Variants in AUTS2 observed in about 807,000 individuals in gnomAD.
AUTS2 encodes autism susceptibility gene 2 protein.
In AUTS2, 17 loss-of-function variants were observed where a neutral mutation model predicts 112.4. The ratio of observed to expected loss-of-function variants is 0.15; its 90% CI spans 0.10 to 0.23. AUTS2 has a LOEUF of 0.23. Ranked by LOEUF, AUTS2 falls within the 10% of genes least tolerant of loss-of-function variation. The pLI is 1.00. For synonymous variants in AUTS2, 751 were observed against 702.7 expected (o/e 1.07, Z -1.09); for missense variants, 1,510 against 1,701.6 (o/e 0.89, Z 1.98).
intron 5 of AUTS2, among the ~76,000 whole-genome samples, chr7:70,592,608 C>T (rs1803002698): frequency 6.6e-6 from 1 of 152,074 alleles, no homozygotes; most frequent in Non-Finnish European, 1.5e-5. Context: ...ATGATCCCAC[C>T]CGCCCTGTCC....
chr7:69,912,836 GT>G (rs1341223049), intron 2 of AUTS2, among the ~76,000 whole-genome samples: 1 of 152,126 alleles, frequency 6.6e-6, no homozygotes, highest in East Asian at 1.9e-4. Flanking sequence ...TTTGCTTCCT[GT>G]TTCCTTGTTC....
intron 6 of AUTS2, among the ~76,000 whole-genome samples, chr7:70,726,140 T>C (rs1787016505): frequency 1.3e-5 from 2 of 152,148 alleles, no homozygotes; most frequent in South Asian, 2.1e-4. Context: ...GGAATTTTCT[T>C]TTTTTTCATG....
intron 1 of AUTS2, among the ~76,000 whole-genome samples, chr7:69,890,466 C>T (rs1794472310): frequency 6.6e-6 from 1 of 152,018 alleles, no homozygotes; most frequent in African/African-American, 2.4e-5. Flanking sequence ...ATTTAGATTC[C>T]ATATGTGTAT....
chr7:69,881,512 G>A (rs995340086), intron 1 of AUTS2, among the ~76,000 whole-genome samples: 4 of 152,164 alleles, frequency 2.6e-5, no homozygotes, highest in African/African-American at 9.7e-5. Flanking sequence ...AAGCCAGCAA[G>A]TTAAAGCAGT....
chr7:70,259,407 G>A lies in AUTS2; in HGVS notation c.660+124836G>A, dbSNP rs547112893. Among the ~76,000 whole-genome samples, 20 of 152,034 alleles carry A rather than the reference G, an allele frequency of 1.3e-4. No homozygotes were observed. In the East Asian group the frequency reaches 3.5e-3, roughly 26 times the overall value. The stretch of plus-strand genomic sequence containing the variant: ...GATATGTTCCACCTCATCAAAAAGA[G>A]GAGTGCAGCTAAACTGACAATCAGT... On this transcript the variant is annotated intron_variant, in intron 4 of 18. Transcript: ENST00000342771.
chr7:70,396,889 T>TC (rs1794109448), intron 4 of AUTS2, among the ~76,000 whole-genome samples: 1 of 152,164 alleles, frequency 6.6e-6, no homozygotes, highest in East Asian at 1.9e-4. Flanking sequence ...TAAGGAAGTA[T>TC]CTAGGAGTAG....
chr7:70,684,648 T>G (rs1288350172), intron 5 of AUTS2, among the ~76,000 whole-genome samples: 1 of 149,508 alleles, frequency 6.7e-6, no homozygotes, highest in African/African-American at 2.5e-5. Flanking sequence ...TGTGGGGTGG[T>G]GTGGCGTGGC....
intron 1 of AUTS2, among the ~76,000 whole-genome samples, chr7:69,681,053 A>G (rs956036526): frequency 2.6e-5 from 4 of 152,236 alleles, no homozygotes; most frequent in African/African-American, 9.6e-5. Flanking sequence ...ACTTAGCACA[A>G]TGTCTTCAAA....
At chr7:70,364,275 A>C (rs1792449971) in intron 4 of AUTS2, among the ~76,000 whole-genome samples, 1 of 152,122 alleles carries the variant, frequency 6.6e-6, no homozygotes, top group Non-Finnish European at 1.5e-5. Context: ...TTAAAAAAAA[A>C]AAATTAGGCC....
At chr7:70,242,030 C>G (rs1812641255) in intron 4 of AUTS2, among the ~76,000 whole-genome samples, 1 of 152,202 alleles carries the variant, frequency 6.6e-6, no homozygotes, top group Admixed American at 6.5e-5. Flanking sequence ...ATTCTTTAGA[C>G]ATGTGCAGAG....
chr7:69,670,295 G>A (rs941019046), intron 1 of AUTS2, among the ~76,000 whole-genome samples: 1 of 152,032 alleles, frequency 6.6e-6, no homozygotes, highest in African/African-American at 2.4e-5. Flanking sequence ...AAAATTCTGT[G>A]ATTTTTCTGA....
intron 4 of AUTS2, among the ~76,000 whole-genome samples, chr7:70,310,406 C>A (rs1032528593): frequency 6.6e-6 from 1 of 151,928 alleles, no homozygotes; most frequent in African/African-American, 2.4e-5. Context: ...GTCAGGAAAT[C>A]GCGACCATCC....
intron 2 of AUTS2, among the ~76,000 whole-genome samples, chr7:69,998,618 T>G (rs1799052737): frequency 6.6e-6 from 1 of 152,236 alleles, no homozygotes; most frequent in African/African-American, 2.4e-5. Flanking sequence ...TCCTAACATA[T>G]GTCATGCATT....
intron 1 of AUTS2, among the ~76,000 whole-genome samples, chr7:69,848,869 C>T (rs1792332034): frequency 1.3e-5 from 2 of 152,118 alleles, no homozygotes; most frequent in South Asian, 2.1e-4. Flanking sequence ...CTCCCCCCGC[C>T]CCCCGCCACC....
intron 5 of AUTS2, among the ~76,000 whole-genome samples, chr7:70,448,384 A>C (rs899612094): frequency 6.6e-6 from 1 of 152,192 alleles, no homozygotes; most frequent in African/African-American, 2.4e-5. Flanking sequence ...ATAGATAAGC[A>C]TGGCTTTTCT....
chr7:69,943,094 A>G (rs947374432), intron 2 of AUTS2, among the ~76,000 whole-genome samples: 1 of 152,248 alleles, frequency 6.6e-6, no homozygotes, highest in Non-Finnish European at 1.5e-5. Context: ...TGCGTTATAT[A>G]TGTATGTATT....
chr7:69,741,218 A>T (rs918115538), intron 1 of AUTS2, among the ~76,000 whole-genome samples: 14 of 152,156 alleles, frequency 9.2e-5, no homozygotes, highest in African/African-American at 2.9e-4. Flanking sequence ...ATTGTATGCA[A>T]TGTGGTGGTA....
intron 5 of AUTS2, among the ~76,000 whole-genome samples, chr7:70,585,407 C>T (rs185515485): frequency 2.9e-4 from 44 of 152,322 alleles, no homozygotes; most frequent in African/African-American, 9.9e-4. Flanking sequence ...TCCCGCTTCT[C>T]TTCCAGAATC....
At chr7:70,628,780 A>G (rs1336618742) in intron 5 of AUTS2, among the ~76,000 whole-genome samples, 4 of 152,188 alleles carry the variant, frequency 2.6e-5, no homozygotes, top group Admixed American at 6.5e-5. Flanking sequence ...AAGAAACTGA[A>G]GACAAGCAGT....
Sources: gnomAD v4.1 joint callset for allele counts (sites outside exome capture counted in the v4.1 genomes callset) on GRCh38, gnomAD v4.1.1 for gene constraint, MANE v1.5 for transcripts, NCBI Gene and HGNC (gene_info 2026-07-23, HGNC 2026-07-21) for gene names.